KCNT2: variants seen among roughly 807,000 people sequenced by gnomAD.
The protein encoded by KCNT2 is potassium channel subfamily T member 2.
In KCNT2, 67 loss-of-function variants were observed where a neutral mutation model predicts 153.8. The observed-to-expected ratio is 0.44, with a 90% CI of 0.36 to 0.53. The LOEUF (loss-of-function observed/expected upper bound fraction) is 0.53. Among genes scored for constraint, KCNT2 ranks in the 20% least tolerant of loss-of-function variants. The probability of loss-of-function intolerance (pLI) is 0.00; values close to 1 mark genes in which losing one functional copy is unlikely to be tolerated. For missense variants in KCNT2, 975 were observed against 1,354.8 expected (o/e 0.72, Z 4.40); for synonymous variants, 500 against 458.8 (o/e 1.09, Z -1.15).
At chr1:196,515,110 T>A (rs1446987840) in intron 1 of KCNT2, among the ~76,000 whole-genome samples, 1 of 152,188 alleles carries the variant, frequency 6.6e-6, no homozygotes, top group Non-Finnish European at 1.5e-5. Context: ...TCACTATGAT[T>A]TCCGATAATG....
intron 8 of KCNT2, among the ~76,000 whole-genome samples, chr1:196,432,923 G>A (rs1333156151): frequency 6.6e-6 from 1 of 152,102 alleles, no homozygotes; most frequent in Non-Finnish European, 1.5e-5. Context: ...GCTATGGTGT[G>A]AATGTGTCCC....
chr1:196,563,931 T>C (rs1248305076), intron 1 of KCNT2, among the ~76,000 whole-genome samples: 1 of 151,980 alleles, frequency 6.6e-6, no homozygotes, highest in East Asian at 1.9e-4. Context: ...TGAAAGTTTC[T>C]TGTCTCAAAT....
At chr1:196,389,565 G>C (rs771070476) in intron 13 of KCNT2, among the ~76,000 whole-genome samples, 10 of 151,634 alleles carry the variant, frequency 6.6e-5, no homozygotes, top group Non-Finnish European at 1.5e-4. Context: ...TTGAAGGTCT[G>C]CTGGATTTTT....
chr1:196,559,705 A>C (rs1659132969), intron 1 of KCNT2, among the ~76,000 whole-genome samples: 1 of 151,752 alleles, frequency 6.6e-6, no homozygotes, highest in Non-Finnish European at 1.5e-5. Context: ...TTTAATGTGC[A>C]TTTCTCTGTT....
chr1:196,565,680 C>G (rs757073159), intron 1 of KCNT2, among the ~76,000 whole-genome samples: 2 of 150,522 alleles, frequency 1.3e-5, no homozygotes, highest in Non-Finnish European at 3.0e-5. Context: ...CATGCATGAA[C>G]CTAGAGGACA....
rs113365070 is a variant in KCNT2 at position 196,462,859 on chromosome 1, T to A, written c.638+2434A>T. Among the ~76,000 whole-genome samples the A allele has an allele frequency of 5.4e-4, 82 of 151,844 alleles. 2 individuals are homozygous for A. The South Asian group carries it at 0.014, about 26-fold the overall frequency. On this transcript the variant is annotated intron_variant, in intron 8 of 27. Coordinates refer to ENST00000294725, the MANE Select transcript of KCNT2 (RefSeq NM_198503.5). ...CCAGTCTCCAGTTGTTTTTTCTTTT[T>A]TGTGTGATAGTATGATATTCAGCTG...
At chr1:196,572,114 A>G (rs1660846371) in intron 1 of KCNT2, among the ~76,000 whole-genome samples, 1 of 152,088 alleles carries the variant, frequency 6.6e-6, no homozygotes, top group Non-Finnish European at 1.5e-5. Context: ...ATCTCTTCCA[A>G]ATGGTAGCAA....
At chr1:196,414,123 A>G (rs1297680340) in intron 12 of KCNT2, among the ~76,000 whole-genome samples, 1 of 151,718 alleles carries the variant, frequency 6.6e-6, no homozygotes, top group Admixed American at 6.6e-5. Context: ...TTGATTTAGA[A>G]CAATATTGAG....
At chr1:196,579,547 G>A (rs1661772712) in intron 1 of KCNT2, among the ~76,000 whole-genome samples, 1 of 152,020 alleles carries the variant, frequency 6.6e-6, no homozygotes. Flanking sequence ...AGGTTGGAGT[G>A]TAATGACACG....
intron 6 of KCNT2, 55 bp from the exon 7 acceptor site, chr1:196,467,841 C>A (rs1572555065): frequency 1.5e-5 from 14 of 964,048 alleles, no homozygotes; most frequent in South Asian, 9.1e-5. Context: ...ATAAACCATA[C>A]CCAGTATACT....
At chr1:196,327,174 A>G (rs1357828477) in intron 18 of KCNT2, among the ~76,000 whole-genome samples, 1 of 152,126 alleles carries the variant, frequency 6.6e-6, no homozygotes, top group Non-Finnish European at 1.5e-5. Flanking sequence ...GTTTGCTGCT[A>G]GAAGACATCC....
intron 4 of KCNT2, 36 bp downstream of exon 4, chr1:196,482,295 C>T (rs1321391656): frequency 2.9e-6 from 4 of 1,366,126 alleles, no homozygotes; most frequent in African/African-American, 1.5e-5. Context: ...GTGAATAAAC[C>T]CAGAGATATA....
chr1:196,294,020 C>T (rs1660446842), intron 22 of KCNT2, among the ~76,000 whole-genome samples: 1 of 151,934 alleles, frequency 6.6e-6, no homozygotes, highest in Admixed American at 6.6e-5. Context: ...AAACACATAA[C>T]TGAGTCACAA....
At chr1:196,390,643 T>C (rs1348140115) in intron 13 of KCNT2, among the ~76,000 whole-genome samples, 1 of 151,232 alleles carries the variant, frequency 6.6e-6, no homozygotes, top group African/African-American at 2.4e-5. Context: ...TTAATCTAGT[T>C]AAAATTTTAT....
intron 1 of KCNT2, among the ~76,000 whole-genome samples, chr1:196,498,710 T>G (rs183779992): frequency 6.6e-6 from 1 of 152,358 alleles, no homozygotes; most frequent in East Asian, 1.9e-4. Flanking sequence ...GATTGTGGCA[T>G]CCTGCTAATT....
intron 1 of KCNT2, among the ~76,000 whole-genome samples, chr1:196,494,379 T>C (rs1680083973): frequency 6.6e-6 from 1 of 152,146 alleles, no homozygotes; most frequent in East Asian, 1.9e-4. Context: ...AGTTCAGTAC[T>C]GGGTATGTAA....
intron 3 of KCNT2, among the ~76,000 whole-genome samples, chr1:196,488,160 GA>G (rs1679580157): frequency 1.3e-5 from 2 of 151,956 alleles, no homozygotes; most frequent in Non-Finnish European, 2.9e-5. Flanking sequence ...TTTGATTCCT[GA>G]AAGGGATTTA....
chr1:196,277,611 A>G (rs1395898033), intron 25 of KCNT2, among the ~76,000 whole-genome samples: 1 of 152,162 alleles, frequency 6.6e-6, no homozygotes, highest in Non-Finnish European at 1.5e-5. Context: ...CAGCAACCTA[A>G]GCAAAAATAT....
At chr1:196,395,745 A>G (rs2148429091) in intron 13 of KCNT2, among the ~76,000 whole-genome samples, 1 of 151,762 alleles carries the variant, frequency 6.6e-6, no homozygotes, top group East Asian at 1.9e-4. Context: ...TATTATAAAA[A>G]GGACAATTTT....
Sources: allele counts gnomAD v4.1 joint callset (sites outside exome capture counted in the v4.1 genomes callset), GRCh38; gene constraint gnomAD v4.1.1; transcripts MANE v1.5; gene names NCBI Gene and HGNC (gene_info 2026-07-23, HGNC 2026-07-21).